Variants in KCNIP4 observed in about 807,000 individuals in gnomAD.
The protein encoded by KCNIP4 is potassium voltage-gated channel interacting protein 4.
Under a neutral mutation model 34.0 loss-of-function variants are expected in KCNIP4, and 12 were observed. The ratio of observed to expected loss-of-function variants is 0.35; its 90% CI spans 0.23 to 0.57. The LOEUF is 0.57. KCNIP4 is among the 20% of genes least tolerant of loss of function. KCNIP4 has a pLI of 0.83. For missense variants in KCNIP4, 238 were observed against 311.7 expected (o/e 0.76, Z 1.78); for synonymous variants, 124 against 102.2 (o/e 1.21, Z -1.29).
chr4:21,132,654 A>G (rs1159827935), intron 1 of KCNIP4, among the ~76,000 whole-genome samples: 3 of 152,164 alleles, frequency 2.0e-5, no homozygotes, highest in Non-Finnish European at 2.9e-5. Flanking sequence ...AGTGCGGGGT[A>G]GGCATCTCCC....
At chr4:21,906,363 C>T (rs1728001663) in intron 1 of KCNIP4, among the ~76,000 whole-genome samples, 1 of 152,070 alleles carries the variant, frequency 6.6e-6, no homozygotes, top group Admixed American at 6.6e-5. Context: ...TAGACACACT[C>T]AGAGGAGGAA....
intron 1 of KCNIP4, among the ~76,000 whole-genome samples, chr4:21,225,465 A>G (rs1758311011): frequency 6.6e-6 from 1 of 152,178 alleles, no homozygotes. Flanking sequence ...ATGGATCCAT[A>G]GTTATGGATC....
chr4:21,558,131 G>A (rs1739225147), intron 1 of KCNIP4, among the ~76,000 whole-genome samples: 1 of 152,152 alleles, frequency 6.6e-6, no homozygotes, highest in Non-Finnish European at 1.5e-5. Context: ...CTGCATCCAA[G>A]GGCTGTGCTA....
intron 1 of KCNIP4, among the ~76,000 whole-genome samples, chr4:21,578,332 C>CA (rs71191522): frequency 0.31 from 23,470 of 74,764 alleles, 6,632 homozygotes; most frequent in Non-Finnish European, 0.4. Flanking sequence ...GACTCCGTCT[C>CA]AAAAAAAAAA....
At chr4:21,028,504 A>G (rs971582784) in intron 1 of KCNIP4, among the ~76,000 whole-genome samples, 1 of 152,178 alleles carries the variant, frequency 6.6e-6, no homozygotes, top group African/African-American at 2.4e-5. Context: ...CATGTTCCTG[A>G]TCCAATGTAC....
rs141817171 is a variant in KCNIP4 at position 21,145,081 on chromosome 4, T to C, written c.62-262372A>G. 3.7e-4 allele frequency among the ~76,000 whole-genome samples: 56 copies of C among 152,332 alleles called. 1 individual carries two copies. The East Asian group carries it at 0.011, about 29-fold the overall frequency. ...ATCTTAGAACTTCTTATTTCTTTGT[T>C]TTGAGATCTCTGATGGCAATTTACC... On this transcript the variant is annotated intron_variant, in intron 1 of 8. Transcript: ENST00000382152.
intron 1 of KCNIP4, among the ~76,000 whole-genome samples, chr4:21,648,020 C>T (rs1018868622): frequency 6.6e-6 from 1 of 151,636 alleles, no homozygotes; most frequent in Non-Finnish European, 1.5e-5. Context: ...ACTACAGACG[C>T]TCGCCACCAC....
Position 21,835,596 on chromosome 4 carries a change from T to A in KCNIP4, c.61+112975A>T, listed in dbSNP as rs566622079. Among the ~76,000 whole-genome samples the A allele has an allele frequency of 4.2e-5, 5 of 119,140 alleles. No homozygotes were observed. The East Asian group carries it at 1.1e-3, about 26-fold the overall frequency. 78.2% of individuals were successfully genotyped at this position (119,140 alleles called of 152,430 possible). A position where few individuals can be genotyped will look rare whatever the true frequency, so the allele number is the denominator to read the frequency against. Reference sequence around the variant, plus strand: ...TTTCTTACGTTTTTTTTTGTTAGTTTTTTTTTGTTGTTGTTGTTTTTAACT... The same window carrying A: ...TTTCTTACGTTTTTTTTTGTTAGTTATTTTTTGTTGTTGTTGTTTTTAACT... On this transcript the variant is annotated intron_variant, in intron 1 of 8. Coordinates refer to ENST00000382152, the MANE Select transcript of KCNIP4 (RefSeq NM_025221.6).
chr4:21,159,108 T>C (rs1033185374), intron 1 of KCNIP4, among the ~76,000 whole-genome samples: 10 of 152,146 alleles, frequency 6.6e-5, no homozygotes, highest in Non-Finnish European at 1.5e-4. Context: ...AACAAGCTGA[T>C]TTGAAATTAA....
At chr4:21,441,148 T>C (rs1271464954) in intron 1 of KCNIP4, among the ~76,000 whole-genome samples, 3 of 151,076 alleles carry the variant, frequency 2.0e-5, no homozygotes, top group Non-Finnish European at 3.0e-5. Flanking sequence ...TTTTTTTTTT[T>C]TTTTTCTTTT....
intron 1 of KCNIP4, among the ~76,000 whole-genome samples, chr4:21,249,561 T>C (rs1450194103): frequency 6.6e-6 from 1 of 152,086 alleles, no homozygotes; most frequent in Non-Finnish European, 1.5e-5. Context: ...TGAAATAATG[T>C]ATATCAAGTG....
chr4:21,703,445 C>T (rs377198404), intron 1 of KCNIP4, among the ~76,000 whole-genome samples: 16 of 152,230 alleles, frequency 1.1e-4, no homozygotes, highest in Admixed American at 2.6e-4. Flanking sequence ...CCATCATTCT[C>T]AGCAAACTAT....
intron 1 of KCNIP4, among the ~76,000 whole-genome samples, chr4:21,243,501 A>C (rs1759995672): frequency 6.6e-6 from 1 of 152,232 alleles, no homozygotes; most frequent in South Asian, 2.1e-4. Context: ...TCCTCAGTGT[A>C]TCACAGAATG....
chr4:21,861,810 A>C (rs1182160068), intron 1 of KCNIP4, among the ~76,000 whole-genome samples: 1 of 152,180 alleles, frequency 6.6e-6, no homozygotes, highest in Non-Finnish European at 1.5e-5. Flanking sequence ...ATTGACAAAC[A>C]TAGCCCCAGC....
intron 1 of KCNIP4, among the ~76,000 whole-genome samples, chr4:21,369,044 A>G (rs763076931): frequency 9.5e-5 from 14 of 147,060 alleles, no homozygotes; most frequent in South Asian, 2.1e-4. Flanking sequence ...GCAGAGCAAA[A>G]TCTTACAGTT....
chr4:21,424,183 A>C (rs1447980230), intron 1 of KCNIP4, among the ~76,000 whole-genome samples: 2 of 151,978 alleles, frequency 1.3e-5, no homozygotes, highest in African/African-American at 4.8e-5. Context: ...GGGTAAAGGG[A>C]TGCATAAAAG....
In KCNIP4 at chr4:21,135,662, A is replaced by T. The variant is rs144458225; in HGVS notation, c.62-252953T>A. ...CTATTCTACTGAAAACTTATTTTTAAGAGTGTATGGGTAGTAGTTTTTGAT... is the reference window on the plus strand; with the variant it reads ...CTATTCTACTGAAAACTTATTTTTATGAGTGTATGGGTAGTAGTTTTTGAT... On this transcript the variant is annotated intron_variant, in intron 1 of 8. Coordinates refer to ENST00000382152, the MANE Select transcript of KCNIP4 (RefSeq NM_025221.6). Among the ~76,000 whole-genome samples, 230 of 152,294 alleles carry T rather than the reference A, an allele frequency of 1.5e-3. 2 individuals carry two copies. Among genetic ancestry groups the T allele is most frequent in the Non-Finnish European group, 2.1e-3 (141 of 68,028 alleles).
chr4:21,238,491 A>C (rs1759546104), intron 1 of KCNIP4, among the ~76,000 whole-genome samples: 1 of 152,212 alleles, frequency 6.6e-6, no homozygotes, highest in African/African-American at 2.4e-5. Context: ...TCATCGTCTC[A>C]GCTCAAAATC....
intron 1 of KCNIP4, among the ~76,000 whole-genome samples, chr4:21,765,835 A>AAAG (rs1433903792): frequency 1.3e-5 from 2 of 151,378 alleles, no homozygotes; most frequent in Non-Finnish European, 3.0e-5. Context: ...AAAAAAAAAA[A>AAAG]AAAACAAACT....
Sources: allele counts gnomAD v4.1 joint callset (sites outside exome capture counted in the v4.1 genomes callset), GRCh38; gene constraint gnomAD v4.1.1; transcripts MANE v1.5; gene names NCBI Gene and HGNC (gene_info 2026-07-23, HGNC 2026-07-21).